DLGAP4: variants seen among roughly 807,000 people sequenced by gnomAD.
DLGAP4 encodes disks large-associated protein 4.
A neutral mutation model predicts 86.9 loss-of-function variants in DLGAP4; 18 were observed. The ratio of observed to expected loss-of-function variants is 0.21; its 90% CI spans 0.14 to 0.31. The LOEUF (loss-of-function observed/expected upper bound fraction) is 0.31, where lower values mean the gene tolerates loss of function less well. Among genes scored for constraint, DLGAP4 ranks in the 10% least tolerant of loss-of-function variants. The pLI is 1.00. For missense variants in DLGAP4, 1,085 were observed against 1,362.6 expected (o/e 0.80, Z 3.21); for synonymous variants, 548 against 574.3 (o/e 0.95, Z 0.65).
chr20:36,446,386 C>A (rs1284136430), intron 6 of DLGAP4, among the ~76,000 whole-genome samples: 1 of 152,218 alleles, frequency 6.6e-6, no homozygotes, highest in Admixed American at 6.5e-5. Context: ...ACCTCTTTCA[C>A]ACTAAATTCA....
chr20:36,442,332 T>C (rs2147566978), intron 5 of DLGAP4, among the ~76,000 whole-genome samples: 1 of 152,292 alleles, frequency 6.6e-6, no homozygotes, highest in East Asian at 1.9e-4. Flanking sequence ...GTAGCTGGGA[T>C]TATAGGCATG....
intron 1 of DLGAP4, among the ~76,000 whole-genome samples, chr20:36,312,640 C>T (rs1291530675): frequency 3.9e-5 from 6 of 152,264 alleles, no homozygotes; most frequent in Admixed American, 6.5e-5. Context: ...ACTTATGGAG[C>T]GCCTGCTGTG....
At chr20:36,408,832 CAG>C (rs2032401465) in intron 2 of DLGAP4, among the ~76,000 whole-genome samples, 3 of 152,126 alleles carry the variant, frequency 2.0e-5, no homozygotes, top group Non-Finnish European at 4.4e-5. Context: ...GATCCTGAAA[CAG>C]AAAAAGGACG....
chr20:36,452,378 T>C (rs1241603131), intron 7 of DLGAP4, among the ~76,000 whole-genome samples: 5 of 152,014 alleles, frequency 3.3e-5, no homozygotes, highest in Admixed American at 6.6e-5. Flanking sequence ...GGGGTCTCCT[T>C]ATGTTCTACC....
chr20:36,315,739 A>G (rs1387331692), intron 1 of DLGAP4, among the ~76,000 whole-genome samples: 2 of 152,086 alleles, frequency 1.3e-5, no homozygotes, highest in South Asian at 4.1e-4. Flanking sequence ...CTAGGCAGCC[A>G]CAGAAGGTTC....
intron 10 of DLGAP4, among the ~76,000 whole-genome samples, chr20:36,501,620 C>T (rs1370080777): frequency 6.6e-6 from 1 of 152,108 alleles, no homozygotes; most frequent in Non-Finnish European, 1.5e-5. Flanking sequence ...TTGACCTGCA[C>T]CCACCTGGTT....
intron 2 of DLGAP4, among the ~76,000 whole-genome samples, chr20:36,416,483 G>A (rs2032657741): frequency 6.6e-6 from 1 of 152,214 alleles, no homozygotes; most frequent in South Asian, 2.1e-4. Flanking sequence ...GACAGTTGGT[G>A]GAACCCGGGC....
chr20:36,358,236 A>C (rs1449291037), intron 1 of DLGAP4, among the ~76,000 whole-genome samples: 1 of 152,228 alleles, frequency 6.6e-6, no homozygotes, highest in Non-Finnish European at 1.5e-5. Flanking sequence ...ATGAAAATGC[A>C]AACTGCAGTG....
chr20:36,373,817 G>A (rs1340062481), intron 2 of DLGAP4, among the ~76,000 whole-genome samples: 1 of 152,152 alleles, frequency 6.6e-6, no homozygotes, highest in East Asian at 1.9e-4. Context: ...CAGATCACCT[G>A]AGGTCAGACA....
chr20:36,310,363 G>A (rs1307664797), intron 1 of DLGAP4, among the ~76,000 whole-genome samples: 1 of 152,154 alleles, frequency 6.6e-6, no homozygotes, highest in Non-Finnish European at 1.5e-5. Context: ...CCACAGGGAG[G>A]CTGGTGGTGG....
chr20:36,462,499 G>C, intron 7 of DLGAP4: 2 of 1,596,636 alleles, frequency 1.3e-6, no homozygotes, highest in Non-Finnish European at 1.7e-6. Context: ...CCTTCTCTCT[G>C]CTCCTTGTCT....
chr20:36,362,362 G>A (rs1190327817), intron 1 of DLGAP4, among the ~76,000 whole-genome samples: 1 of 152,318 alleles, frequency 6.6e-6, no homozygotes, highest in East Asian at 1.9e-4. Flanking sequence ...TGGCTTCTTG[G>A]TCGCCTGAGG....
intron 1 of DLGAP4, among the ~76,000 whole-genome samples, chr20:36,344,588 C>G (rs2065417106): frequency 6.6e-6 from 1 of 152,172 alleles, no homozygotes; most frequent in Non-Finnish European, 1.5e-5. Flanking sequence ...GCCCAGCCGA[C>G]CATGGCTCCC....
chr20:36,361,592 G>C lies in DLGAP4; in HGVS notation c.-303-5453G>C, dbSNP rs991486829. On this transcript the variant is annotated intron_variant, in intron 1 of 12. Coordinates refer to ENST00000339266, the MANE Select transcript of DLGAP4 (RefSeq NM_001365621.2). ...TAGGGAGGAAGCTGGTGCAGTGTCC[G>C]AACAAGAGATGGTACTGGCCCGGAC... Among the ~76,000 whole-genome samples, 5 of 152,238 alleles carry C rather than the reference G, an allele frequency of 3.3e-5. No individual in the cohort carries two copies. In the East Asian group the frequency reaches 9.7e-4, roughly 29 times the overall value.
At chr20:36,417,810 G>A in intron 2 of DLGAP4, among the ~76,000 whole-genome samples, 1 of 151,676 alleles carries the variant, frequency 6.6e-6, no homozygotes, top group Admixed American at 6.6e-5. Context: ...TTGAGATGGG[G>A]TTTTGCTGTT....
intron 10 of DLGAP4, among the ~76,000 whole-genome samples, chr20:36,507,301 C>T (rs1243444433): frequency 6.6e-6 from 1 of 152,082 alleles, no homozygotes; most frequent in East Asian, 1.9e-4. Flanking sequence ...AATTTCGGCT[C>T]ACCACAACCT....
chr20:36,395,649 C>T (rs2031924544), intron 2 of DLGAP4, among the ~76,000 whole-genome samples: 1 of 152,152 alleles, frequency 6.6e-6, no homozygotes, highest in South Asian at 2.1e-4. Context: ...TAGGCACATG[C>T]CACCACACCT....
intron 10 of DLGAP4, chr20:36,510,895 C>T (rs980740994): frequency 6.6e-5 from 10 of 152,176 alleles, no homozygotes; most frequent in Non-Finnish European, 1.3e-4. Context: ...CTTTGTAGCA[C>T]GCCTTGGTAT....
intron 10 of DLGAP4, chr20:36,512,819 C>T: frequency 6.6e-6 from 1 of 150,904 alleles, no homozygotes; most frequent in Non-Finnish European, 1.5e-5. Flanking sequence ...AAGTGCTTGA[C>T]ATGCGCAAGG....
Sources: gnomAD v4.1 joint callset for allele counts (sites outside exome capture counted in the v4.1 genomes callset) on GRCh38, gnomAD v4.1.1 for gene constraint, MANE v1.5 for transcripts, NCBI Gene and HGNC (gene_info 2026-07-23, HGNC 2026-07-21) for gene names.